Variants in LRIG1 observed in about 807,000 individuals in gnomAD.
The protein encoded by LRIG1 is leucine-rich repeats and immunoglobulin-like domains protein 1.
In LRIG1, 48 loss-of-function variants were observed where a neutral mutation model predicts 99.2. The ratio of observed to expected loss-of-function variants is 0.48; its 90% confidence interval spans 0.38 to 0.62. The LOEUF is 0.62. LRIG1 is among the 20% of genes least tolerant of loss of function. The pLI is 0.00. For synonymous variants in LRIG1, 772 were observed against 596.1 expected, an observed-to-expected ratio of 1.29 and a Z score of -4.30; for missense variants, 1,646 against 1,434.4, an observed-to-expected ratio of 1.15 and a Z score of -2.38.
At chr3:66,446,321 G>A (rs901267491) in intron 3 of LRIG1, among the ~76,000 whole-genome samples, 4 of 151,664 alleles carry the variant, frequency 2.6e-5, no homozygotes, top group African/African-American at 9.7e-5. Flanking sequence ...GTAGGACACC[G>A]CGTTTCTTTC....
At chr3:66,416,216 C>A (rs200370423) in intron 4 of LRIG1, among the ~76,000 whole-genome samples, 2 of 152,342 alleles carry the variant, frequency 1.3e-5, no homozygotes, top group East Asian at 3.9e-4. Context: ...AGGGCCCACA[C>A]TGGAGGCTTC....
At chr3:66,450,766 G>A (rs945775504) in intron 3 of LRIG1, among the ~76,000 whole-genome samples, 1 of 152,220 alleles carries the variant, frequency 6.6e-6, no homozygotes, top group Non-Finnish European at 1.5e-5. Flanking sequence ...GCCTGGAGTG[G>A]AAACAGGAAA....
At chr3:66,493,995 AAGGGAAGGGAGTGGGGG>A (rs1701171571) in intron 1 of LRIG1, among the ~76,000 whole-genome samples, 1 of 140,234 alleles carries the variant, frequency 7.1e-6, no homozygotes, top group Admixed American at 7.2e-5. Context: ...AGAAAGAGGG[AAGGGAAGGGAGTGGGGG>A]AGGGAAGGGG....
chr3:66,409,581 GC>G (rs1220712776), intron 7 of LRIG1, among the ~76,000 whole-genome samples: 1 of 152,234 alleles, frequency 6.6e-6, no homozygotes, highest in Non-Finnish European at 1.5e-5. Context: ...GCAGGCCACT[GC>G]GGTGCAAAAC....
chr3:66,414,176 T>C (rs957527648), intron 5 of LRIG1, among the ~76,000 whole-genome samples: 1 of 152,048 alleles, frequency 6.6e-6, no homozygotes, highest in Non-Finnish European at 1.5e-5. Flanking sequence ...GGCAGGCGGA[T>C]CACGAGGTCA....
At chr3:66,434,454 T>G (rs1703277034) in intron 3 of LRIG1, among the ~76,000 whole-genome samples, 1 of 152,110 alleles carries the variant, frequency 6.6e-6, no homozygotes, top group Non-Finnish European at 1.5e-5. Flanking sequence ...ATTAAAAAAA[T>G]ACAACACCAC....
At chr3:66,384,297 C>A in intron 13 of LRIG1, 25 bp from the exon 14 acceptor site, 2 of 1,594,368 alleles carry the variant, frequency 1.3e-6, no homozygotes, top group South Asian at 1.1e-5. Context: ...TATACAGGGT[C>A]GGGTTACGGG....
rs1230661563 is a variant in LRIG1, at chr3:66,411,443, T to C, written c.792-1171A>G. ...TTCCTCTGAGAATTCTCTTTTAACT[T>C]CAGTCCACCCAGCACATGACCACCT... On this transcript the variant is annotated intron_variant, in intron 6 of 18. Coordinates refer to ENST00000273261, the MANE Select transcript of LRIG1 (RefSeq NM_015541.3). Among the ~76,000 whole-genome samples the C allele has an allele frequency of 2.0e-5, 3 of 152,182 alleles. No individual in the cohort carries two copies. The East Asian group carries it at 5.8e-4, about 29-fold the overall frequency.
intron 1 of LRIG1, among the ~76,000 whole-genome samples, chr3:66,487,456 C>T (rs1393366249): frequency 6.6e-6 from 1 of 152,128 alleles, no homozygotes. Context: ...CTGGGGGATC[C>T]GTTCTGCCCT....
At position 66,382,340 on chromosome 3, in the gene LRIG1, AG is replaced by A. The variant is rs1701125719; in HGVS notation, c.2549del (p.Ser850LeufsTer155). 1 of 1,614,106 alleles carries A rather than the reference AG, an allele frequency of 6.2e-7. No individual in the cohort carries two copies. Among genetic ancestry groups the A allele is most frequent in the Non-Finnish European group, 8.5e-7 (1 of 1,180,032 alleles). On this transcript the variant is annotated frameshift_variant, in exon 16 of 19. Transcript: ENST00000273261. LOFTEE classifies it high-confidence loss of function. ...PSYLSSQGTL[S>X]DRQETVVRTE... is the part of the protein sequence containing the mutation. ...TCCTGACCACGGTTTCTTGTCGGTC[AG>A]AAAGGGTCCCCTGAGAAGAGAGGTA...
intron 1 of LRIG1, among the ~76,000 whole-genome samples, chr3:66,491,719 T>C (rs978876448): frequency 2.0e-5 from 3 of 152,194 alleles, no homozygotes; most frequent in Admixed American, 2.0e-4. Context: ...GATATGCCTT[T>C]GATTTATTTC....
chr3:66,445,922 C>T (rs923214078), intron 3 of LRIG1, among the ~76,000 whole-genome samples: 1 of 152,056 alleles, frequency 6.6e-6, no homozygotes, highest in African/African-American at 2.4e-5. Context: ...ATCATGAGGC[C>T]GAGCCTAATT....
intron 1 of LRIG1, among the ~76,000 whole-genome samples, chr3:66,499,983 G>A (rs1701318524): frequency 6.6e-6 from 1 of 151,476 alleles, no homozygotes; most frequent in South Asian, 2.1e-4. Context: ...TCTTCTCCAG[G>A]CTCTCTCGCA....
At chr3:66,436,429 C>T (rs1222747541) in intron 3 of LRIG1, among the ~76,000 whole-genome samples, 4 of 152,196 alleles carry the variant, frequency 2.6e-5, no homozygotes, top group Non-Finnish European at 4.4e-5. Context: ...ATAACAACAC[C>T]TTTCACTCGG....
At chr3:66,418,971 A>C (rs1702712566) in intron 3 of LRIG1, among the ~76,000 whole-genome samples, 1 of 152,212 alleles carries the variant, frequency 6.6e-6, no homozygotes, top group South Asian at 2.1e-4. Flanking sequence ...TTCTTTAATA[A>C]AGATAGTCTC....
intron 3 of LRIG1, among the ~76,000 whole-genome samples, chr3:66,444,195 T>C (rs1294421134): frequency 6.6e-6 from 1 of 152,228 alleles, no homozygotes; most frequent in Admixed American, 6.5e-5. Context: ...CCTGCCACGT[T>C]GGGCTGCTCA....
rs892813111 is a variant in LRIG1 at position 66,386,201 on chromosome 3, G to A, written c.1569C>T (p.Ser523=). The A allele has an allele frequency of 2.5e-6, 4 of 1,613,530 alleles. No homozygotes were observed. The highest frequency in any genetic ancestry group is 3.3e-5 in the Admixed American group (2 of 60,026). Residue 523 remains serine, a synonymous_variant, in exon 13 of 19, where the codon AGC becomes AGT. Coordinates refer to ENST00000273261, the MANE Select transcript of LRIG1 (RefSeq NM_015541.3). ...TCTTCCAGGCAAAGGTCATGGGGGA[G>A]CTGCTGCTGCTGGCTGCTGAGCATG... ...RFTCSAASSS[S]SPMTFAWKKD...
chr3:66,475,481 G>A (rs1304701330), intron 1 of LRIG1, among the ~76,000 whole-genome samples: 1 of 152,118 alleles, frequency 6.6e-6, no homozygotes, highest in East Asian at 1.9e-4. Context: ...TCCCCAAACT[G>A]GCTTTCCTTT....
intron 3 of LRIG1, among the ~76,000 whole-genome samples, chr3:66,448,319 C>A (rs979348734): frequency 6.6e-6 from 1 of 152,090 alleles, no homozygotes; most frequent in African/African-American, 2.4e-5. Context: ...GAAGTCGGCT[C>A]AATTCTGCAT....
Sources: allele counts gnomAD v4.1 joint callset (sites outside exome capture counted in the v4.1 genomes callset), GRCh38; gene constraint gnomAD v4.1.1; transcripts MANE v1.5; gene names NCBI Gene and HGNC (gene_info 2026-07-23, HGNC 2026-07-21).